PGAM5: variants seen among roughly 807,000 people sequenced by gnomAD.
PGAM5 encodes the protein PGAM family member 5, mitochondrial serine/threonine protein phosphatase.
PGAM5 carries 25 observed loss-of-function variants against 30.6 expected under a neutral mutation model. The ratio of observed to expected loss-of-function variants is 0.82; its 90% CI spans 0.60 to 1.14. PGAM5 has a LOEUF of 1.14. Ranked by LOEUF, PGAM5 falls within the 50% of genes most tolerant of loss-of-function variation. The pLI, the probability that PGAM5 is intolerant of heterozygous loss-of-function variation, is 0.00. For synonymous variants in PGAM5, 201 were observed against 179.1 expected (o/e 1.12, Z -0.98); for missense variants, 384 against 408.5 (o/e 0.94, Z 0.52).
chr12:132,717,339 T>TTTGAGGGTGGAGGAGGGCGTGG, intron 2 of PGAM5, 100 bp from the exon 3 acceptor site: 2 of 1,100,712 alleles, frequency 1.8e-6, no homozygotes, highest in Non-Finnish European at 2.5e-6. Flanking sequence ...GGAGGGGGTG[T>TTTGAGGGTGGAGGAGGGCGTGG]TTGAGGGTGG....
Position 132,721,500 on chromosome 12 carries a change from G to C in PGAM5, c.*672G>C, listed in dbSNP as rs983852195. On this transcript the variant is annotated 3_prime_UTR_variant, in exon 6 of 6. Coordinates refer to ENST00000498926, the MANE Select transcript of PGAM5 (RefSeq NM_001170543.2). ...TCCCAGCTACTTGGGAGGCTGAGGT[G>C]GGTGGATCACTTGGGCCCGGGAGCT... The C allele has an allele frequency of 9.8e-5, 15 of 152,358 alleles. No homozygotes were observed. The highest frequency in any genetic ancestry group is 3.6e-4 in the African/African-American group (15 of 41,574). The allele number at this position is 152,358 out of a possible 1,614,324, so 9.4% of individuals were successfully genotyped here.
intron 2 of PGAM5, among the ~76,000 whole-genome samples, chr12:132,716,757 C>T (rs1468839403): frequency 6.6e-6 from 1 of 152,198 alleles, no homozygotes; most frequent in African/African-American, 2.4e-5. Context: ...GGGATAGTGC[C>T]TGTTCATGCA....
At chr12:132,720,259 ACAGCCTGGCC>A (rs1555234198) in intron 5 of PGAM5, among the ~76,000 whole-genome samples, 3 of 147,254 alleles carry the variant, frequency 2.0e-5, no homozygotes, top group Non-Finnish European at 4.5e-5. Flanking sequence ...GCCCCCTGGC[ACAGCCTGGCC>A]CAGCCTCTTT....
intron 2 of PGAM5, among the ~76,000 whole-genome samples, chr12:132,716,976 G>C (rs1054223248): frequency 6.6e-6 from 1 of 152,180 alleles, no homozygotes; most frequent in Non-Finnish European, 1.5e-5. Context: ...ACTGGTGTCC[G>C]GCCCCCACAT....
rs560234359 is a variant in PGAM5, at chr12:132,720,185, T to G, written c.720-493T>G. Among the ~76,000 whole-genome samples, 5 of 151,136 alleles carry G rather than the reference T, an allele frequency of 3.3e-5. No homozygotes were observed. In the East Asian group the frequency reaches 9.8e-4, roughly 30 times the overall value. On this transcript the variant is annotated intron_variant, in intron 5 of 5. Transcript: ENST00000498926. ...GAAGACAGGAGCGGCTCGGCTGATG[T>G]GTACCCCGGCCCTGAGGCTGCTCTG...
chr12:132,721,001 G>T lies in PGAM5; in HGVS notation c.*173G>T. 1 of 806,368 alleles carries T rather than the reference G, an allele frequency of 1.2e-6. No homozygotes were observed. Among genetic ancestry groups the T allele is most frequent in the Non-Finnish European group, 1.9e-6 (1 of 530,096 alleles). 50.0% of individuals were successfully genotyped at this position (806,368 alleles called of 1,614,324 possible). ...GATCAGACAGCCTGACTTCTCTGCA[G>T]GGTTTTATACCTGACCATGAACCCC... On this transcript the variant is annotated 3_prime_UTR_variant, in exon 6 of 6. Coordinates refer to ENST00000498926, the MANE Select transcript of PGAM5 (RefSeq NM_001170543.2).
intron 5 of PGAM5, chr12:132,719,010 T>G: frequency 7.0e-7 from 1 of 1,434,886 alleles, no homozygotes; most frequent in Non-Finnish European, 9.1e-7. Flanking sequence ...GGTTGCGTTT[T>G]CCCTGCCACC....
rs762379803 is a variant in PGAM5, at chr12:132,718,168, G to C, written c.719+48G>C. On this transcript the variant is annotated intron_variant, in intron 5 of 5. Transcript: ENST00000498926. ...GTGGTCTAAAATAATTTCAGACTTAGAGAAAAGCATGAGGAAGAAGCCGAG... is the reference window on the plus strand; with the variant it reads ...GTGGTCTAAAATAATTTCAGACTTACAGAAAAGCATGAGGAAGAAGCCGAG... The C allele has an allele frequency of 4.4e-6, 7 of 1,607,988 alleles. No individual in the cohort carries two copies. In the Admixed American group the frequency reaches 1.0e-4, roughly 23 times the overall value.
chr12:132,714,837 T>C (rs1282281006), intron 1 of PGAM5, 21 bp from the exon 2 acceptor site: 7 of 1,611,588 alleles, frequency 4.3e-6, no homozygotes, highest in East Asian at 2.2e-5. Context: ...CTCAAGGACA[T>C]ATCTTGTATT....
chr12:132,720,656 C>G (rs2043635162), intron 5 of PGAM5, 22 bp from the exon 6 acceptor site: 1 of 1,025,200 alleles, frequency 9.8e-7, no homozygotes, highest in Non-Finnish European at 1.3e-6. Context: ...CGTGCTCTTT[C>G]TCTCTCTCTC....
chr12:132,717,974 A>T lies in PGAM5; in HGVS notation c.586-13A>T. On this transcript the variant is annotated splice_polypyrimidine_tract_variant and intron_variant, in intron 4 of 5. Transcript: ENST00000498926. ...AGCACTTCCGCACTGACGGCTCCTC[A>T]CTCTGCCCCCAGCAGTATTACGAAG... The T allele has an allele frequency of 6.2e-6, 10 of 1,612,174 alleles. No homozygotes were observed. Among genetic ancestry groups the T allele is most frequent in the Non-Finnish European group, 8.5e-6 (10 of 1,179,786 alleles).
chr12:132,718,695 T>C (rs1304287705), intron 5 of PGAM5: 1 of 1,553,610 alleles, frequency 6.4e-7, no homozygotes, highest in Non-Finnish European at 8.9e-7. Flanking sequence ...CCCTTTGTAA[T>C]TGAACGTCCT....
intron 1 of PGAM5, among the ~76,000 whole-genome samples, chr12:132,714,337 A>T (rs181875858): frequency 1.8e-3 from 275 of 152,390 alleles, no homozygotes; most frequent in Non-Finnish European, 3.0e-3. Flanking sequence ...AAATGTGCTT[A>T]GTATGACTGA....
chr12:132,718,683 T>C (rs1593121528), intron 5 of PGAM5: 1 of 1,509,986 alleles, frequency 6.6e-7, no homozygotes, highest in Non-Finnish European at 9.2e-7. Flanking sequence ...CCTGGTTGTT[T>C]TCCCTTTGTA....
chr12:132,718,726 A>T (rs201093565), intron 5 of PGAM5: 206 of 1,611,462 alleles, frequency 1.3e-4, no homozygotes, highest in Non-Finnish European at 1.7e-4. Flanking sequence ...AAACTCGACC[A>T]ACCACCTTCT....
At chr12:132,715,358 G>A (rs1335258813) in intron 2 of PGAM5, among the ~76,000 whole-genome samples, 1 of 151,430 alleles carries the variant, frequency 6.6e-6, no homozygotes, top group African/African-American at 2.4e-5. Flanking sequence ...ATTACCTGAG[G>A]TCAGGAATTC....
In PGAM5 at chr12:132,718,027, G is replaced by A; in HGVS notation, c.626G>A (p.Arg209Gln). The A allele has an allele frequency of 2.5e-6, 4 of 1,612,780 alleles. No individual in the cohort carries two copies. The highest frequency in any genetic ancestry group is 2.5e-6 in the Non-Finnish European group (3 of 1,179,982). ...EDGARIEAAF[R>Q]NYIHRADARQ... ...GGAGCCCGGATCGAGGCCGCCTTCCGGAACTACATCCACCGCGCAGATGCC... is the reference window on the plus strand; with the variant it reads ...GGAGCCCGGATCGAGGCCGCCTTCCAGAACTACATCCACCGCGCAGATGCC... Residue 209 changes from arginine (R) to glutamine (Q), a missense_variant, in exon 5 of 6, where the codon CGG (arginine) becomes CAG (glutamine). Transcript: ENST00000498926.
intron 4 of PGAM5, 27 bp from the exon 5 acceptor site, chr12:132,717,960 A>C: frequency 1.2e-6 from 2 of 1,612,276 alleles, no homozygotes; most frequent in Non-Finnish European, 1.7e-6. Flanking sequence ...GCACTTCCGC[A>C]CTGACGGCTC....
Position 132,715,090 on chromosome 12 carries a change from C to A in PGAM5, c.370+54C>A, listed in dbSNP as rs2043561642. The A allele has an allele frequency of 4.4e-6, 5 of 1,131,790 alleles. No individual in the cohort carries two copies. In the South Asian group the frequency reaches 7.1e-5, roughly 16 times the overall value. 70.1% of individuals were successfully genotyped at this position (1,131,790 alleles called of 1,614,324 possible). On this transcript the variant is annotated intron_variant, in intron 2 of 5. Coordinates refer to ENST00000498926, the MANE Select transcript of PGAM5 (RefSeq NM_001170543.2). Reference sequence around the variant, plus strand: ...ACCCTCGTGGTTATGTGGCCAGGTGCATATCTGCTGGCGCCTTGGTTATGT... The same window carrying A: ...ACCCTCGTGGTTATGTGGCCAGGTGAATATCTGCTGGCGCCTTGGTTATGT...
Sources: allele counts gnomAD v4.1 joint callset (sites outside exome capture counted in the v4.1 genomes callset), GRCh38; gene constraint gnomAD v4.1.1; transcripts MANE v1.5; gene names NCBI Gene and HGNC (gene_info 2026-07-23, HGNC 2026-07-21).